SLC4A10: variants seen among roughly 807,000 people sequenced by gnomAD.
SLC4A10 encodes solute carrier family 4 member 10.
In SLC4A10, 42 loss-of-function variants were observed where a neutral mutation model predicts 137.7. That is an observed-to-expected ratio of 0.30 (90% CI 0.24 to 0.39). The LOEUF (loss-of-function observed/expected upper bound fraction) is 0.39. Ranked by LOEUF, SLC4A10 falls within the 10% of genes least tolerant of loss-of-function variation. The pLI is 1.00. For missense variants in SLC4A10, 925 were observed against 1,355.0 expected (o/e 0.68, Z 4.98); for synonymous variants, 474 against 464.1 (o/e 1.02, Z -0.27).
chr2:161,861,857 T>A (rs2060452051), intron 5 of SLC4A10, among the ~76,000 whole-genome samples: 1 of 152,174 alleles, frequency 6.6e-6, no homozygotes, highest in Non-Finnish European at 1.5e-5. Context: ...CCCAAATCTG[T>A]CTCCTAGTTC....
intron 1 of SLC4A10, among the ~76,000 whole-genome samples, chr2:161,737,853 C>T (rs2047501860): frequency 6.6e-6 from 1 of 152,040 alleles, no homozygotes; most frequent in African/African-American, 2.4e-5. Flanking sequence ...TTTTTCCCCA[C>T]CTAAACATGC....
At chr2:161,768,144 C>G (rs62189054) in intron 1 of SLC4A10, among the ~76,000 whole-genome samples, 12,350 of 152,012 alleles carry the variant, frequency 0.081, 640 homozygotes, top group East Asian at 0.14. Context: ...ATTTTGAAGA[C>G]TCCCCAATTA....
intron 5 of SLC4A10, among the ~76,000 whole-genome samples, chr2:161,862,550 C>A (rs2060491317): frequency 6.6e-6 from 1 of 152,110 alleles, no homozygotes; most frequent in Non-Finnish European, 1.5e-5. Context: ...CTATTCCTCC[C>A]ATCAGTGTGG....
chr2:161,628,771 T>C (rs990436531), intron 1 of SLC4A10, among the ~76,000 whole-genome samples: 33 of 151,998 alleles, frequency 2.2e-4, no homozygotes, highest in Non-Finnish European at 1.5e-4. Flanking sequence ...AAATAAAATA[T>C]ATGTATAAAA....
chr2:161,799,197 C>T (rs996386005), intron 2 of SLC4A10, among the ~76,000 whole-genome samples: 3 of 151,376 alleles, frequency 2.0e-5, no homozygotes, highest in Non-Finnish European at 3.0e-5. Flanking sequence ...TGAAAGGACT[C>T]GCTCCTTTAA....
intron 10 of SLC4A10, among the ~76,000 whole-genome samples, chr2:161,891,621 CTTGTG>C (rs1290208119): frequency 1.3e-5 from 2 of 151,960 alleles, no homozygotes; most frequent in Admixed American, 1.3e-4. Context: ...TCACGAAGTT[CTTGTG>C]TTGTGTTTTT....
At chr2:161,950,307 A>G (rs1379373870) in intron 18 of SLC4A10, among the ~76,000 whole-genome samples, 1 of 152,114 alleles carries the variant, frequency 6.6e-6, no homozygotes, top group Admixed American at 6.6e-5. Context: ...TCCAATAGTA[A>G]ATAGTAAATA....
At chr2:161,856,403 C>G (rs2060106133) in intron 5 of SLC4A10, among the ~76,000 whole-genome samples, 1 of 141,172 alleles carries the variant, frequency 7.1e-6, no homozygotes, top group African/African-American at 2.7e-5. Flanking sequence ...ACACACCACA[C>G]TGCCCCAAAT....
intron 1 of SLC4A10, among the ~76,000 whole-genome samples, chr2:161,705,761 TTTG>T: frequency 6.6e-6 from 1 of 151,452 alleles, no homozygotes; most frequent in Non-Finnish European, 1.5e-5. Context: ...GAAATAAATA[TTTG>T]TTGTTGTGGC....
intron 8 of SLC4A10, among the ~76,000 whole-genome samples, chr2:161,877,989 T>C (rs2061536711): frequency 6.6e-6 from 1 of 152,138 alleles, no homozygotes; most frequent in Non-Finnish European, 1.5e-5. Context: ...ATAGCTGTAC[T>C]ATCATCTTGA....
intron 23 of SLC4A10, among the ~76,000 whole-genome samples, chr2:161,970,447 G>A (rs1222748274): frequency 2.0e-5 from 3 of 152,204 alleles, no homozygotes; most frequent in Admixed American, 1.3e-4. Flanking sequence ...AGTAGTTGAG[G>A]AAGAAAATGG....
intron 1 of SLC4A10, among the ~76,000 whole-genome samples, chr2:161,643,824 T>C (rs1331593380): frequency 6.6e-6 from 1 of 152,170 alleles, no homozygotes; most frequent in Non-Finnish European, 1.5e-5. Flanking sequence ...AATTAATTGA[T>C]TCAAGTAGAA....
At position 161,888,159 on chromosome 2, in the gene SLC4A10, T is replaced by C. The variant is rs990899512; in HGVS notation, c.1194+5715T>C. On this transcript the variant is annotated intron_variant, in intron 10 of 26. Transcript: ENST00000446997. ...AGGTCTCTGTTCTGTTCCATTGGTC[T>C]AAATATTGGTTTGGATACAAGTGCC... 2.0e-5 allele frequency among the ~76,000 whole-genome samples: 3 copies of C among 152,182 alleles called. No homozygotes were observed. In the East Asian group the frequency reaches 5.8e-4, roughly 29 times the overall value.
At chr2:161,967,588 A>G (rs1170241935) in intron 23 of SLC4A10, among the ~76,000 whole-genome samples, 1 of 152,024 alleles carries the variant, frequency 6.6e-6, no homozygotes, top group Admixed American at 6.6e-5. Flanking sequence ...GATTTAATCC[A>G]CCCCTACTAT....
chr2:161,942,297 A>T (rs1692855005), intron 15 of SLC4A10, among the ~76,000 whole-genome samples: 1 of 152,146 alleles, frequency 6.6e-6, no homozygotes, highest in African/African-American at 2.4e-5. Context: ...CTGTAAATTG[A>T]GGTTAACTTC....
intron 1 of SLC4A10, among the ~76,000 whole-genome samples, chr2:161,750,368 G>A (rs993565533): frequency 6.6e-6 from 1 of 151,422 alleles, no homozygotes; most frequent in Admixed American, 6.6e-5. Flanking sequence ...CTTTTTTAAT[G>A]TAGGCATTTA....
chr2:161,906,871 A>G (rs202115875), intron 15 of SLC4A10, among the ~76,000 whole-genome samples: 1 of 151,962 alleles, frequency 6.6e-6, no homozygotes, highest in South Asian at 2.1e-4. Context: ...TGGCTAACAC[A>G]GTGAAACCCC....
chr2:161,982,702 C>T (rs541960008), intron 26 of SLC4A10, among the ~76,000 whole-genome samples: 102 of 152,208 alleles, frequency 6.7e-4, no homozygotes, highest in African/African-American at 2.3e-3. Context: ...TCTAACCTGG[C>T]CAAGGTACAG....
intron 3 of SLC4A10, among the ~76,000 whole-genome samples, chr2:161,835,130 T>C (rs1227922): frequency 0.11 from 16,322 of 151,326 alleles, 997 homozygotes; most frequent in East Asian, 0.17. Flanking sequence ...CCCCACCTGC[T>C]GGGTTCAAGC....
Sources: allele counts gnomAD v4.1 joint callset (sites outside exome capture counted in the v4.1 genomes callset), GRCh38; gene constraint gnomAD v4.1.1; transcripts MANE v1.5; gene names NCBI Gene and HGNC (gene_info 2026-07-23, HGNC 2026-07-21).